The following MMP15 variants were observed in gnomAD, a reference collection of about 807,000 sequenced individuals.
MMP15 encodes the protein matrix metallopeptidase 15.
In MMP15, 36 loss-of-function variants were observed where a neutral mutation model predicts 65.0. The observed-to-expected ratio is 0.55, with a 90% CI of 0.42 to 0.73. MMP15 has a LOEUF of 0.73. Among genes scored for constraint, MMP15 ranks in the 30% least tolerant of loss-of-function variants. The probability of loss-of-function intolerance (pLI) is 0.00; values close to 1 mark genes in which losing one functional copy is unlikely to be tolerated. For missense variants in MMP15, 870 were observed against 987.8 expected (o/e 0.88, Z 1.60); for synonymous variants, 428 against 410.2 (o/e 1.04, Z -0.52).
chr16:58,041,063 A>G (rs575203524), intron 5 of MMP15, among the ~76,000 whole-genome samples: 2 of 152,178 alleles, frequency 1.3e-5, no homozygotes, highest in East Asian at 3.9e-4. Context: ...AGCCTGTCAC[A>G]GCTCTGTCCA....
chr16:58,046,900 A>G lies in MMP15; in HGVS notation c.*1454A>G, dbSNP rs1567433288. On this transcript the variant is annotated 3_prime_UTR_variant, in exon 10 of 10. Transcript: ENST00000219271. ...CACTGAATAAATTGTACAGCCGGCA[A>G]ATGTGTCCTTGTTTGTAAGGCCTTG... The G allele has an allele frequency of 6.6e-6, 1 of 152,662 alleles. No individual in the cohort carries two copies. The highest frequency in any genetic ancestry group is 1.5e-5 in the Non-Finnish European group (1 of 68,052). The allele number at this position is 152,662 out of a possible 1,614,324, so 9.5% of individuals were successfully genotyped here. A position where few individuals can be genotyped will look rare whatever the true frequency, so the allele number is the denominator to read the frequency against.
rs376179211 is a variant in MMP15 at position 58,037,482 on chromosome 16, G to A, written c.173G>A (p.Arg58Gln). Residue 58 changes from arginine to glutamine, a missense_variant, in exon 2 of 10, where the codon CGG becomes CAG. Physicochemically the swap from Arg to Gln is conservative, Grantham distance 43. Coordinates refer to ENST00000219271, the MANE Select transcript of MMP15 (RefSeq NM_002428.4). ...GCGGCTTCTTTGCAGAACTGGCTGC[G>A]GCTTTATGGCTACCTGCCTCAGCCC... ...DAEVHAENWLRLYGYLPQPSR... is the reference protein window; with the variant it reads ...DAEVHAENWLQLYGYLPQPSR... 212 of 1,613,698 alleles carry A rather than the reference G, an allele frequency of 1.3e-4. 3 individuals carry two copies. The highest frequency in any genetic ancestry group is 1.0e-3 in the South Asian group (94 of 91,082).
At chr16:58,042,455 G>A in intron 7 of MMP15, 86 bp downstream of exon 7, 1 of 1,540,576 alleles carries the variant, frequency 6.5e-7, no homozygotes, top group South Asian at 1.2e-5. Context: ...GGAGGTGAAG[G>A]GTTGCATTGC....
intron 1 of MMP15, among the ~76,000 whole-genome samples, chr16:58,032,295 T>C (rs1959250272): frequency 6.6e-6 from 1 of 152,214 alleles, no homozygotes. Flanking sequence ...AAAGTTATCC[T>C]AGCCGTCTTC....
At chr16:58,026,642 C>T in intron 1 of MMP15, 130 bp downstream of exon 1, 8 of 1,071,110 alleles carry the variant, frequency 7.5e-6, no homozygotes, top group Non-Finnish European at 9.7e-6. Context: ...GGCGGGGAAG[C>T]AAGCGGACTT....
At chr16:58,039,092 C>T (rs990196783) in intron 3 of MMP15, among the ~76,000 whole-genome samples, 8 of 152,220 alleles carry the variant, frequency 5.3e-5, no homozygotes, top group Admixed American at 5.2e-4. Flanking sequence ...TCACTGGAAC[C>T]CTGTGAAGAA....
At chr16:58,041,218 C>G (rs1323642501) in intron 5 of MMP15, among the ~76,000 whole-genome samples, 1 of 152,250 alleles carries the variant, frequency 6.6e-6, no homozygotes, top group African/African-American at 2.4e-5. Context: ...ACACCGAGCC[C>G]TCCTCGGGGC....
At chr16:58,033,335 G>C (rs1246856774) in intron 1 of MMP15, among the ~76,000 whole-genome samples, 1 of 152,246 alleles carries the variant, frequency 6.6e-6, no homozygotes, top group African/African-American at 2.4e-5. Context: ...CTCCAGCCCA[G>C]ATCAGCTCTG....
chr16:58,038,671 G>C (rs992487871), intron 3 of MMP15, among the ~76,000 whole-genome samples: 5 of 152,216 alleles, frequency 3.3e-5, no homozygotes, highest in African/African-American at 1.2e-4. Context: ...ACTGCAGCAA[G>C]GGATGGGGGA....
chr16:58,036,957 G>A (rs894543487), intron 1 of MMP15, among the ~76,000 whole-genome samples: 1 of 152,338 alleles, frequency 6.6e-6, no homozygotes, highest in African/African-American at 2.4e-5. Context: ...AGGAAGGAGG[G>A]GGTGCAGGGT....
intron 1 of MMP15, among the ~76,000 whole-genome samples, chr16:58,034,131 C>T (rs1959285692): frequency 6.6e-6 from 1 of 152,256 alleles, no homozygotes; most frequent in South Asian, 2.1e-4. Context: ...AGAAGCAAAG[C>T]TTCACCCGCT....
At chr16:58,031,840 G>T (rs41489244) in intron 1 of MMP15, among the ~76,000 whole-genome samples, 67 of 145,496 alleles carry the variant, frequency 4.6e-4, no homozygotes, top group African/African-American at 1.7e-3. Context: ...AGGAGGACCT[G>T]GCTCGATGCC....
intron 1 of MMP15, among the ~76,000 whole-genome samples, chr16:58,026,789 A>G (rs1963823511): frequency 1.3e-5 from 2 of 151,704 alleles, no homozygotes; most frequent in Non-Finnish European, 2.9e-5. Context: ...ACCCCCTTAC[A>G]TTCAGCCTGT....
chr16:58,037,397 G>A (rs1959352044), intron 1 of MMP15, 75 bp from the exon 2 acceptor site: 28 of 1,555,054 alleles, frequency 1.8e-5, no homozygotes, highest in Non-Finnish European at 2.3e-5. Context: ...GTGGTGGGAA[G>A]TGGTCGGCAC....
At chr16:58,037,696 T>C in intron 2 of MMP15, 76 bp downstream of exon 2, 2 of 1,585,814 alleles carry the variant, frequency 1.3e-6, no homozygotes, top group Non-Finnish European at 1.7e-6. Flanking sequence ...GCTCAGCATG[T>C]GGAGTTTCCA....
At chr16:58,026,558 G>T in intron 1 of MMP15, 46 bp downstream of exon 1, 1 of 1,285,910 alleles carries the variant, frequency 7.8e-7, no homozygotes, top group Non-Finnish European at 9.9e-7. Context: ...GGGGCTTGGA[G>T]GGAGAGGCGC....
rs138177423 is a variant in MMP15 at position 58,042,264 on chromosome 16, G to A, written c.1198G>A (p.Val400Ile). 25 of 1,614,062 alleles carry A rather than the reference G, an allele frequency of 1.5e-5. No individual in the cohort carries two copies. The highest frequency in any genetic ancestry group is 6.6e-5 in the South Asian group (6 of 91,090). ...GTTCTGGCGAGTCCGGCACAACCGC[G>A]TCCTGGACAACTATCCCATGCCCAT... ...RWFWRVRHNRVLDNYPMPIGH... is the reference protein window; with the variant it reads ...RWFWRVRHNRILDNYPMPIGH... The change falls in exon 7 of 10, where the codon GTC becomes ATC. Residue 400 changes from valine to isoleucine, a missense_variant. Coordinates refer to ENST00000219271, the MANE Select transcript of MMP15 (RefSeq NM_002428.4).
intron 1 of MMP15, 84 bp from the exon 2 acceptor site, chr16:58,037,388 T>G (rs1597064241): frequency 6.6e-7 from 1 of 1,522,698 alleles, no homozygotes; most frequent in Non-Finnish European, 8.9e-7. Context: ...GTGGTGGAGG[T>G]GGTGGGAAGT....
intron 1 of MMP15, among the ~76,000 whole-genome samples, chr16:58,028,177 T>G (rs41418849): frequency 0.049 from 7,466 of 152,264 alleles, 230 homozygotes; most frequent in South Asian, 0.13. Context: ...TCTCTTCTGC[T>G]TTTCCAGTTC....
Sources: allele counts gnomAD v4.1 joint callset (sites outside exome capture counted in the v4.1 genomes callset), GRCh38; gene constraint gnomAD v4.1.1; transcripts MANE v1.5; gene names NCBI Gene and HGNC (gene_info 2026-07-23, HGNC 2026-07-21).